The following AGO1 variants were observed in gnomAD, a reference collection of about 807,000 sequenced individuals.
AGO1 encodes argonaute RISC component 1, also known as protein argonaute-1.
In AGO1, 11 loss-of-function variants were observed where a neutral mutation model predicts 109.2. That is an observed-to-expected ratio of 0.10 (90% confidence interval 0.06 to 0.17). The LOEUF is 0.17. AGO1 is among the 10% of genes least tolerant of loss of function. AGO1 has a pLI of 1.00. For missense variants in AGO1, 574 were observed against 1,140.3 expected (o/e 0.50, Z 7.15); for synonymous variants, 422 against 418.6 (o/e 1.01, Z -0.10).
intron 14 of AGO1, 58 bp from the exon 15 acceptor site, chr1:35,915,290 A>G: frequency 6.5e-7 from 1 of 1,529,902 alleles, no homozygotes; most frequent in Non-Finnish European, 9.0e-7. Context: ...CCACAAACCC[A>G]TAGCCTGACA....
chr1:35,924,292 T>C lies in AGO1; in HGVS notation c.*4685T>C, dbSNP rs1645886834. On this transcript the variant is annotated 3_prime_UTR_variant, in exon 19 of 19. Transcript: ENST00000373204. The stretch of plus-strand genomic sequence containing the variant: ...TTTATAAAGACAACAGTGGCTTCTA[T>C]TTCTAAAGTGCGGTCTTTCTCTTTT... 1 of 153,306 alleles carries C rather than the reference T, an allele frequency of 6.5e-6. No homozygotes were observed. The highest frequency in any genetic ancestry group is 2.4e-5 in the African/African-American group (1 of 41,480). 9.5% of individuals were successfully genotyped at this position (153,306 alleles called of 1,614,324 possible). A position where few individuals can be genotyped will look rare whatever the true frequency, so the allele number is the denominator to read the frequency against.
intron 2 of AGO1, among the ~76,000 whole-genome samples, chr1:35,890,325 T>C (rs1645195010): frequency 6.6e-6 from 1 of 152,224 alleles, no homozygotes. Context: ...GCCCGGCCAA[T>C]TGTTACCATT....
At chr1:35,912,029 T>C (rs1467097665) in intron 12 of AGO1, among the ~76,000 whole-genome samples, 1 of 152,234 alleles carries the variant, frequency 6.6e-6, no homozygotes, top group African/African-American at 2.4e-5. Flanking sequence ...GGTTGTCTTC[T>C]CTTTTTACTA....
At chr1:35,902,476 CT>C (rs1418258440) in intron 11 of AGO1, 139 bp downstream of exon 11, 5 of 1,154,890 alleles carry the variant, frequency 4.3e-6, no homozygotes, top group Non-Finnish European at 5.7e-6. Flanking sequence ...CTGGCTCAAA[CT>C]TCTACCAATT....
Position 35,895,215 on chromosome 1 carries a change from T to C in AGO1, c.966T>C (p.His322=). The change falls in exon 8 of 19, where the codon CAT becomes CAC. Residue 322 remains histidine, a synonymous_variant. Coordinates refer to ENST00000373204, the MANE Select transcript of AGO1 (RefSeq NM_012199.5). ...ATAACCTTCAGCTCAAGTATCCCCA[T>C]CTGCCCTGCCTACAAGTTGGCCAGG... The part of the protein sequence containing the change: ...QKYNLQLKYP[H]LPCLQVGQEQ... 1 of 1,614,122 alleles carries C rather than the reference T, an allele frequency of 6.2e-7. No homozygotes were observed.
intron 1 of AGO1, among the ~76,000 whole-genome samples, chr1:35,870,118 C>T (rs913405386): frequency 1.3e-5 from 2 of 151,768 alleles, no homozygotes; most frequent in African/African-American, 4.8e-5. Flanking sequence ...TATTTATCAC[C>T]CAAGCGTTCC....
chr1:35,889,065 CCTTGATGAGGCAGAAGGACAGAG>C (rs1645169882), intron 2 of AGO1, among the ~76,000 whole-genome samples: 1 of 150,352 alleles, frequency 6.7e-6, no homozygotes, highest in South Asian at 2.1e-4. Flanking sequence ...AATGGGATGT[CCTTGATGAGGCAGAAGGACAGAG>C]GGGAGAAATG....
rs1193110105 is a variant in AGO1 at position 35,893,614 on chromosome 1, G to T, written c.513-60G>T. 2.0e-6 allele frequency: 3 copies of T among 1,531,358 alleles called. No individual in the cohort carries two copies. Among genetic ancestry groups the T allele is most frequent in the Non-Finnish European group, 1.8e-6 (2 of 1,134,442 alleles). 94.9% of individuals were successfully genotyped at this position (1,531,358 alleles called of 1,614,324 possible). ...CAGGCCAGGGCTCCTCCGTGCCCAGGATGCCTCACAGGGTGGGGGCCTGTG... is the reference window on the plus strand; with the variant it reads ...CAGGCCAGGGCTCCTCCGTGCCCAGTATGCCTCACAGGGTGGGGGCCTGTG... On this transcript the variant is annotated intron_variant, in intron 4 of 18. Coordinates refer to ENST00000373204, the MANE Select transcript of AGO1 (RefSeq NM_012199.5). The surrounding 1 kb of genome is among the most constrained non-coding windows in gnomAD (Gnocchi z 5.6).
chr1:35,913,777 G>A, intron 12 of AGO1, 65 bp from the exon 13 acceptor site: 1 of 1,542,696 alleles, frequency 6.5e-7, no homozygotes, highest in Non-Finnish European at 8.9e-7. Flanking sequence ...TACACTGCCT[G>A]GCATCTAGTA....
chr1:35,902,208 G>A lies in AGO1; in HGVS notation c.1268G>A (p.Arg423Gln), dbSNP rs1258906885. The A allele has an allele frequency of 2.5e-6, 4 of 1,613,270 alleles. No homozygotes were observed. The highest frequency in any genetic ancestry group is 3.4e-6 in the Non-Finnish European group (4 of 1,179,624). ...APILQYGGRN[R>Q]AIATPNQGVW... ...GCCCCCTCTACCTATCCCCAGAACC[G>A]GGCCATTGCCACACCCAATCAGGGT... Residue 423 changes from arginine (R) to glutamine (Q), a missense_variant, in exon 11 of 19, where the codon CGG becomes CAG. This residue lies in a region of AGO1 where 106 missense variants were observed against 147.8 expected (regional missense o/e 0.72). Coordinates refer to ENST00000373204, the MANE Select transcript of AGO1 (RefSeq NM_012199.5).
intron 12 of AGO1, among the ~76,000 whole-genome samples, chr1:35,911,894 C>T (rs1372065690): frequency 6.6e-6 from 1 of 152,176 alleles, no homozygotes; most frequent in African/African-American, 2.4e-5. Context: ...CACTCTCTTT[C>T]TTCCCTTGGC....
chr1:35,923,525 C>T lies in AGO1; in HGVS notation c.*3918C>T, dbSNP rs953725615. On this transcript the variant is annotated 3_prime_UTR_variant, in exon 19 of 19. Transcript: ENST00000373204. ...CGTTATTTTTATTTATATATGGGGC[C>T]TAGGCCAATCCAGGATGGTAGCTGG... 2 of 152,650 alleles carry T rather than the reference C, an allele frequency of 1.3e-5. No homozygotes were observed. The highest frequency in any genetic ancestry group is 2.9e-5 in the Non-Finnish European group (2 of 68,036). The allele number at this position is 152,650 out of a possible 1,614,324, so 9.5% of individuals were successfully genotyped here.
Position 35,919,595 on chromosome 1 carries a change from G to A in AGO1, c.2562G>A (p.Met854Ile). The A allele has an allele frequency of 6.2e-7, 1 of 1,613,728 alleles. No homozygotes were observed. Among genetic ancestry groups the A allele is most frequent in the South Asian group, 1.1e-5 (1 of 91,054 alleles). ...VQVHQDTLRT[M>I]YFA ...TTCACCAGGATACTCTGCGCACCAT[G>A]TACTTCGCTTGAAGGCAGAACGCTG... Residue 854 changes from methionine (M) to isoleucine (I), a missense_variant, in exon 19 of 19, where the codon ATG becomes ATA. Coordinates refer to ENST00000373204, the MANE Select transcript of AGO1 (RefSeq NM_012199.5). The surrounding 1 kb of genome is among the most constrained non-coding windows in gnomAD (Gnocchi z 6.6).
chr1:35,914,041 A>G (rs760395834), intron 13 of AGO1, 40 bp downstream of exon 13: 2 of 1,612,096 alleles, frequency 1.2e-6, no homozygotes, highest in Admixed American at 1.7e-5. Flanking sequence ...TCAAGGTACC[A>G]TGCTGGGAAT....
chr1:35,920,855 CAA>C lies in AGO1; in HGVS notation c.*1251_*1252del, dbSNP rs1410026095. ...CTAAAATGAGAAAAAAGAGAGAAAA[CAA>C]AATGTTATTTTTATACCATAACTTG... is the stretch of plus-strand genomic sequence containing the variant. On this transcript the variant is annotated 3_prime_UTR_variant, in exon 19 of 19. Coordinates refer to ENST00000373204, the MANE Select transcript of AGO1 (RefSeq NM_012199.5). 16 of 152,544 alleles carry C rather than the reference CAA, an allele frequency of 1.0e-4. No individual in the cohort carries two copies. The highest frequency in any genetic ancestry group is 1.0e-3 in the Admixed American group (16 of 15,278). The allele number at this position is 152,544 out of a possible 1,614,324, so 9.4% of individuals were successfully genotyped here. A position where few individuals can be genotyped will look rare whatever the true frequency, so the allele number is the denominator to read the frequency against.
rs373422886 is a variant in AGO1 at position 35,893,827 on chromosome 1, A to G, written c.649+17A>G. ...ACATTGATGGTGAGTGGGGAGAGCT[A>G]TGGAGCCAGGGGCACCCCAAGTCCA... is the stretch of plus-strand genomic sequence containing the variant. On this transcript the variant is annotated intron_variant, in intron 5 of 18. Transcript: ENST00000373204. This position sits in a 1 kb window ranked among gnomAD's most constrained non-coding sequence, Gnocchi z 5.6. 4 of 1,606,910 alleles carry G rather than the reference A, an allele frequency of 2.5e-6. No homozygotes were observed. Among genetic ancestry groups the G allele is most frequent in the East Asian group, 2.2e-5 (1 of 44,774 alleles).
At position 35,915,561 on chromosome 1, in the gene AGO1, G is replaced by T; in HGVS notation, c.2028+19G>T. 1 of 1,609,034 alleles carries T rather than the reference G, an allele frequency of 6.2e-7. No individual in the cohort carries two copies. Among genetic ancestry groups the T allele is most frequent in the South Asian group, 1.1e-5 (1 of 90,680 alleles). On this transcript the variant is annotated intron_variant, in intron 15 of 18. Coordinates refer to ENST00000373204, the MANE Select transcript of AGO1 (RefSeq NM_012199.5). ...ACCCCAGGTAGGGCCCACAGTAGGT[G>T]GAGAAAACCTTCACATCATGGCTGG...
intron 1 of AGO1, among the ~76,000 whole-genome samples, chr1:35,876,189 G>A (rs35791704): frequency 0.089 from 13,539 of 152,234 alleles, 820 homozygotes; most frequent in Non-Finnish European, 0.14. Context: ...CAGAAGTGGA[G>A]CCTGAATATG....
At chr1:35,876,584 T>C (rs1362290655) in intron 1 of AGO1, among the ~76,000 whole-genome samples, 1 of 152,118 alleles carries the variant, frequency 6.6e-6, no homozygotes, top group African/African-American at 2.4e-5. Flanking sequence ...TTCTTATGGA[T>C]GAACAAAGAA....
Sources: gnomAD v4.1 joint callset for allele counts (sites outside exome capture counted in the v4.1 genomes callset) on GRCh38, gnomAD v4.1.1 for gene constraint, gnomAD v4.1.1 regional missense constraint, Gnocchi (gnomAD v3.1) non-coding constraint, MANE v1.5 for transcripts, NCBI Gene and HGNC (gene_info 2026-07-23, HGNC 2026-07-21) for gene names.